ATP6V0C: variants seen among roughly 807,000 people sequenced by gnomAD.
The protein encoded by ATP6V0C is ATPase H+ transporting V0 subunit c, also known as V-type proton ATPase 16 kDa proteolipid subunit c.
In ATP6V0C, 2 loss-of-function variants were observed where a neutral mutation model predicts 10.6. That is an observed-to-expected ratio of 0.19 (90% CI 0.08 to 0.59). ATP6V0C has a LOEUF of 0.59. Among genes scored for constraint, ATP6V0C ranks in the 20% least tolerant of loss-of-function variants. The pLI, the probability that ATP6V0C is intolerant of heterozygous loss-of-function variation, is 0.90. For synonymous variants in ATP6V0C, 128 were observed against 101.3 expected (o/e 1.26, Z -1.59); for missense variants, 89 against 225.9 (o/e 0.39, Z 3.88).
chr16:2,516,402 A>G (rs1232277912), intron 1 of ATP6V0C, among the ~76,000 whole-genome samples: 1 of 152,150 alleles, frequency 6.6e-6, no homozygotes, highest in African/African-American at 2.4e-5. Flanking sequence ...ATGAGCCACC[A>G]TGACTGGCTC....
chr16:2,519,878 G>C lies in ATP6V0C; in HGVS notation c.*133G>C. On this transcript the variant is annotated 3_prime_UTR_variant, in exon 3 of 3. Coordinates refer to ENST00000330398, the MANE Select transcript of ATP6V0C (RefSeq NM_001694.4). ...GGTCTTGTACATGCGCAGTGTCCTAGTGCCCATCGTCTGTTTCCCCGGCCT... is the reference window on the plus strand; with the variant it reads ...GGTCTTGTACATGCGCAGTGTCCTACTGCCCATCGTCTGTTTCCCCGGCCT... 1 of 1,229,432 alleles carries C rather than the reference G, an allele frequency of 8.1e-7. No individual in the cohort carries two copies. The highest frequency in any genetic ancestry group is 2.5e-5 in the East Asian group (1 of 40,546). The allele number at this position is 1,229,432 out of a possible 1,614,324, so 76.2% of individuals were successfully genotyped here. A position where few individuals can be genotyped will look rare whatever the true frequency, so the allele number is the denominator to read the frequency against.
intron 1 of ATP6V0C, among the ~76,000 whole-genome samples, chr16:2,515,121 G>C (rs779271756): frequency 2.3e-4 from 35 of 152,194 alleles, no homozygotes; most frequent in Non-Finnish European, 1.9e-4. Flanking sequence ...TAGGGTTCTT[G>C]GTGGCACCCT....
intron 1 of ATP6V0C, chr16:2,514,453 G>A (rs1296404514): frequency 4.3e-5 from 8 of 184,842 alleles, no homozygotes; most frequent in South Asian, 1.9e-4. Flanking sequence ...GCGGTTGCGG[G>A]GGTGGGGCGG....
chr16:2,519,685 C>A lies in ATP6V0C; in HGVS notation c.408C>A (p.Ile136=). ...RLFVGMILIL[I]FAEVLGLYGL... is the part of the protein sequence containing the mutation. Reference sequence around the variant, plus strand: ...TCGTGGGCATGATCCTGATTCTCATCTTCGCCGAGGTGCTCGGCCTCTACG... The same window carrying A: ...TCGTGGGCATGATCCTGATTCTCATATTCGCCGAGGTGCTCGGCCTCTACG... Residue 136 remains isoleucine (I), a synonymous_variant, in exon 3 of 3, where the codon ATC becomes ATA. Transcript: ENST00000330398. The A allele has an allele frequency of 6.8e-6, 11 of 1,612,326 alleles. No individual in the cohort carries two copies. Among genetic ancestry groups the A allele is most frequent in the Non-Finnish European group, 9.3e-6 (11 of 1,178,564 alleles).
chr16:2,519,011 G>A, intron 1 of ATP6V0C: 1 of 549,352 alleles, frequency 1.8e-6, no homozygotes, highest in Non-Finnish European at 3.2e-6. Context: ...CGTAGAGGAA[G>A]GAGGAGTGGC....
At chr16:2,519,518 C>T (rs758265268) in intron 2 of ATP6V0C, 23 bp from the exon 3 acceptor site, 1 of 1,543,914 alleles carries the variant, frequency 6.5e-7, no homozygotes, top group East Asian at 2.3e-5. Flanking sequence ...CTGCTGATGT[C>T]AGTCCTCTCT....
At chr16:2,516,118 T>TC (rs1555502952) in intron 1 of ATP6V0C, among the ~76,000 whole-genome samples, 1 of 150,466 alleles carries the variant, frequency 6.6e-6, no homozygotes, top group African/African-American at 2.5e-5. Context: ...TTTTTTTTTT[T>TC]TCTCCCCTCC....
rs534204765 is a variant in ATP6V0C, at chr16:2,519,480, G to A, written c.264-61G>A. 9 of 1,550,574 alleles carry A rather than the reference G, an allele frequency of 5.8e-6. No individual in the cohort carries two copies. In the African/African-American group the frequency reaches 9.5e-5, roughly 16 times the overall value. ...GCGGTTCACCTGTGGGTGGTGACCCGGACCCTTGTCTCCCCCTGGTTGGCA... is the reference window on the plus strand; with the variant it reads ...GCGGTTCACCTGTGGGTGGTGACCCAGACCCTTGTCTCCCCCTGGTTGGCA... On this transcript the variant is annotated intron_variant, in intron 2 of 2. Transcript: ENST00000330398.
At chr16:2,514,872 G>C (rs1291989307) in intron 1 of ATP6V0C, among the ~76,000 whole-genome samples, 1 of 152,196 alleles carries the variant, frequency 6.6e-6, no homozygotes, top group Non-Finnish European at 1.5e-5. Context: ...GAAGTGGAGG[G>C]AGCGGGGAGA....
chr16:2,514,121 C>T lies in ATP6V0C; in HGVS notation c.18C>T (p.Ser6=), dbSNP rs759619993. The stretch of plus-strand genomic sequence containing the variant: ...CCGCAGACATGTCCGAGTCCAAGAG[C>T]GGCCCCGAGTATGCTTCGTTTTTCG... The part of the protein sequence containing the change: MSESK[S]GPEYASFFAV... Residue 6 remains serine, a synonymous_variant, in exon 1 of 3, where the codon AGC becomes AGT. Coordinates refer to ENST00000330398, the MANE Select transcript of ATP6V0C (RefSeq NM_001694.4). 1.1e-5 allele frequency: 18 copies of T among 1,585,338 alleles called. No homozygotes were observed. Among genetic ancestry groups the T allele is most frequent in the Non-Finnish European group, 1.5e-5 (17 of 1,167,040 alleles).
chr16:2,519,510 G>T (rs1247629458), intron 2 of ATP6V0C, 31 bp from the exon 3 acceptor site: 1 of 1,543,116 alleles, frequency 6.5e-7, no homozygotes, highest in South Asian at 1.2e-5. Context: ...TTGGCAGGCT[G>T]CTGATGTCAG....
At chr16:2,514,689 C>T (rs1438892828) in intron 1 of ATP6V0C, among the ~76,000 whole-genome samples, 1 of 152,066 alleles carries the variant, frequency 6.6e-6, no homozygotes, top group African/African-American at 2.4e-5. Flanking sequence ...CCTCAGCCCT[C>T]GCCCTTATGG....
In ATP6V0C at chr16:2,519,866, C is replaced by T. The variant is rs2065900695; in HGVS notation, c.*121C>T. 5.4e-6 allele frequency: 7 copies of T among 1,303,278 alleles called. No individual in the cohort carries two copies. Among genetic ancestry groups the T allele is most frequent in the Middle Eastern group, 1.8e-4 (1 of 5,526 alleles). The allele number at this position is 1,303,278 out of a possible 1,614,324, so 80.7% of individuals were successfully genotyped here. A position where few individuals can be genotyped will look rare whatever the true frequency, so the allele number is the denominator to read the frequency against. On this transcript the variant is annotated 3_prime_UTR_variant, in exon 3 of 3. Coordinates refer to ENST00000330398, the MANE Select transcript of ATP6V0C (RefSeq NM_001694.4). The stretch of plus-strand genomic sequence containing the variant: ...CCCCCAGTAGTTGGTCTTGTACATG[C>T]GCAGTGTCCTAGTGCCCATCGTCTG...
intron 1 of ATP6V0C, among the ~76,000 whole-genome samples, chr16:2,516,424 T>A (rs1454703098): frequency 6.6e-6 from 1 of 152,178 alleles, no homozygotes; most frequent in Non-Finnish European, 1.5e-5. Context: ...ACTTCTGACT[T>A]CATTTCTGCC....
intron 1 of ATP6V0C, chr16:2,517,992 C>G (rs919404675): frequency 1.3e-5 from 2 of 152,278 alleles, no homozygotes; most frequent in Non-Finnish European, 2.9e-5. Context: ...TCTCGAACTT[C>G]TGACACCAGG....
chr16:2,514,500 A>C (rs2065867026), intron 1 of ATP6V0C: 2 of 19,424 alleles, frequency 1.0e-4, no homozygotes, highest in Admixed American at 6.7e-4. Flanking sequence ...GAGCGGCGAG[A>C]GGGAGGCTGG....
rs1031272978 is a variant in ATP6V0C, at chr16:2,519,959, C to T, written c.*214C>T. 5.5e-6 allele frequency: 4 copies of T among 721,580 alleles called. No individual in the cohort carries two copies. Among genetic ancestry groups the T allele is most frequent in the African/African-American group, 1.7e-5 (1 of 57,224 alleles). 44.7% of individuals were successfully genotyped at this position (721,580 alleles called of 1,614,324 possible). A position where few individuals can be genotyped will look rare whatever the true frequency, so the allele number is the denominator to read the frequency against. ...TGGGCCCACTCATCGCCCCTCCAGG[C>T]CCCCGGCGCCCCACCCCCTAGAGTG... On this transcript the variant is annotated 3_prime_UTR_variant, in exon 3 of 3. Transcript: ENST00000330398.
upstream of ATP6V0C, chr16:2,513,795 C>T (rs1177416357): frequency 2.0e-5 from 4 of 202,978 alleles, no homozygotes; most frequent in East Asian, 4.3e-4. Context: ...AGGGCGGGGC[C>T]GGGCGCCGGG....
Position 2,519,378 on chromosome 16 carries a change from G to C in ATP6V0C, c.240G>C (p.Leu80=), listed in dbSNP as rs1369970886. 4.3e-6 allele frequency: 7 copies of C among 1,613,674 alleles called. No individual in the cohort carries two copies. The East Asian group carries it at 6.7e-5, about 15-fold the overall frequency. The change falls in exon 2 of 3, where the codon CTG becomes CTC. Residue 80 remains leucine (L), a synonymous_variant. Transcript: ENST00000330398. The part of the protein sequence containing the change: ...LVVAVLIANS[L]NDDISLYKSF... Reference sequence around the variant, plus strand: ...TGGCAGTCCTCATCGCCAACTCCCTGAATGACGACATCAGCCTCTACAAGT... The same window carrying C: ...TGGCAGTCCTCATCGCCAACTCCCTCAATGACGACATCAGCCTCTACAAGT...
Sources: gnomAD v4.1 joint callset for allele counts (sites outside exome capture counted in the v4.1 genomes callset) on GRCh38, gnomAD v4.1.1 for gene constraint, MANE v1.5 for transcripts, NCBI Gene and HGNC (gene_info 2026-07-23, HGNC 2026-07-21) for gene names.